Variants in DOT1L observed in about 807,000 individuals in gnomAD.
DOT1L encodes the protein histone-lysine N-methyltransferase, H3 lysine-79 specific.
DOT1L carries 33 observed loss-of-function variants against 153.3 expected under a neutral mutation model. The ratio of observed to expected loss-of-function variants is 0.22; its 90% CI spans 0.16 to 0.29. The LOEUF (loss-of-function observed/expected upper bound fraction) is 0.29, where lower values mean the gene tolerates loss of function less well. DOT1L is among the 10% of genes least tolerant of loss of function. The probability of loss-of-function intolerance (pLI) is 1.00; values close to 1 mark genes in which losing one functional copy is unlikely to be tolerated. For synonymous variants in DOT1L, 1,135 were observed against 965.1 expected, an observed-to-expected ratio of 1.18 and a Z score of -3.26; for missense variants, 1,847 against 2,119.9, an observed-to-expected ratio of 0.87 and a Z score of 2.53.
chr19:2,210,345 G>A (rs1286969765), intron 12 of DOT1L, 55 bp from the exon 13 acceptor site: 33 of 1,423,320 alleles, frequency 2.3e-5, no homozygotes, highest in Non-Finnish European at 3.0e-5. Flanking sequence ...TCTCGGTGCA[G>A]GAGGGCCGTG....
chr19:2,201,597 G>A (rs1035851785), intron 8 of DOT1L, among the ~76,000 whole-genome samples: 1 of 152,230 alleles, frequency 6.6e-6, no homozygotes, highest in African/African-American at 2.4e-5. Flanking sequence ...GCCCGCCGGC[G>A]GGTGTTCTGC....
In DOT1L at chr19:2,226,915, T is replaced by C. The variant is rs2144937622; in HGVS notation, c.4394T>C (p.Leu1465Pro). The change falls in exon 27 of 28, where the codon CTG (leucine) becomes CCG (proline). Residue 1465 changes from leucine (L) to proline (P), a missense_variant. By Grantham distance (98) the Leu-to-Pro change is moderately conservative. Coordinates refer to ENST00000398665, the MANE Select transcript of DOT1L (RefSeq NM_032482.3). ...ASSAQTHRSFLGPFPPGPQFA... is the reference protein window; with the variant it reads ...ASSAQTHRSFPGPFPPGPQFA... ...TCCGCCCAGACGCACCGGTCCTTCCTGGGCCCCTTCCCGCCGGGACCGCAG... is the reference window on the plus strand; with the variant it reads ...TCCGCCCAGACGCACCGGTCCTTCCCGGGCCCCTTCCCGCCGGGACCGCAG... The C allele has an allele frequency of 6.3e-7, 1 of 1,580,740 alleles. No individual in the cohort carries two copies. Among genetic ancestry groups the C allele is most frequent in the East Asian group, 2.3e-5 (1 of 43,144 alleles).
chr19:2,192,622 G>A (rs887865011), intron 5 of DOT1L, among the ~76,000 whole-genome samples: 12 of 148,822 alleles, frequency 8.1e-5, no homozygotes, highest in African/African-American at 2.5e-4. Flanking sequence ...GTGGTGAGAC[G>A]AGATCGCATC....
intron 1 of DOT1L, among the ~76,000 whole-genome samples, chr19:2,177,114 AGAAGACTCCCCCGT>A (rs1391963078): frequency 3.3e-5 from 5 of 152,198 alleles, no homozygotes; most frequent in Admixed American, 6.5e-5. Context: ...GTCCGCAGGA[AGAAGACTCCCCCGT>A]GAGGGGGAGC....
Position 2,221,972 on chromosome 19 carries a change from G to T in DOT1L, c.2807-4G>T. ...CCCTGAGACCCCCATGTCCTTCCCG[G>T]CAGGCTTCTCCTACGCTGGCTCGGT... On this transcript the variant is annotated splice_region_variant and splice_polypyrimidine_tract_variant and intron_variant, in intron 23 of 27. Coordinates refer to ENST00000398665, the MANE Select transcript of DOT1L (RefSeq NM_032482.3). The T allele has an allele frequency of 6.3e-7, 1 of 1,597,292 alleles. No homozygotes were observed.
chr19:2,220,383 C>G lies in DOT1L; in HGVS notation c.2806+161C>G. 1 of 759,502 alleles carries G rather than the reference C, an allele frequency of 1.3e-6. No individual in the cohort carries two copies. The highest frequency in any genetic ancestry group is 2.3e-6 in the Non-Finnish European group (1 of 439,698). The allele number at this position is 759,502 out of a possible 1,614,324, so 47.0% of individuals were successfully genotyped here. ...TCATTACTGACACCCTTTCCTGCAT[C>G]CCACGAGCTGGGATGCGGATCGGGC... On this transcript the variant is annotated intron_variant, in intron 23 of 27. Coordinates refer to ENST00000398665, the MANE Select transcript of DOT1L (RefSeq NM_032482.3). This position sits in a 1 kb window ranked among gnomAD's most constrained non-coding sequence, Gnocchi z 4.5.
Position 2,190,875 on chromosome 19 carries a change from C to T in DOT1L, c.265-137C>T, listed in dbSNP as rs962740409. 1.5e-5 allele frequency: 12 copies of T among 793,428 alleles called. No homozygotes were observed. The highest frequency in any genetic ancestry group is 5.2e-5 in the African/African-American group (3 of 57,278). 49.1% of individuals were successfully genotyped at this position (793,428 alleles called of 1,614,324 possible). On this transcript the variant is annotated intron_variant, in intron 4 of 27. Coordinates refer to ENST00000398665, the MANE Select transcript of DOT1L (RefSeq NM_032482.3). The surrounding 1 kb of genome is among the most constrained non-coding windows in gnomAD (Gnocchi z 4.8). Reference sequence around the variant, plus strand: ...TGGGTTGGAAACTGACCTGGGAGCCCGGCAGCCACCCTGCAGGGGGACGAG... The same window carrying T: ...TGGGTTGGAAACTGACCTGGGAGCCTGGCAGCCACCCTGCAGGGGGACGAG...
intron 27 of DOT1L, chr19:2,229,350 G>C (rs1599633791): frequency 1.0e-6 from 1 of 985,346 alleles, no homozygotes; most frequent in African/African-American, 1.7e-5. Context: ...CTGGGACACA[G>C]GCCTTCCTGG....
intron 7 of DOT1L, 32 bp downstream of exon 7, chr19:2,194,609 C>T (rs368346610): frequency 1.2e-5 from 19 of 1,603,196 alleles, no homozygotes; most frequent in Middle Eastern, 3.6e-4. Context: ...CGGCTCCCAT[C>T]GCCGGCCCCA....
In DOT1L at chr19:2,186,040, G is replaced by A; in HGVS notation, c.200+111G>A. ...CTTCTTAGATGGTGCAAGCTGATCT[G>A]AAATTTCCTTTTAGAGTTGGCCGTG... On this transcript the variant is annotated intron_variant, in intron 3 of 27. Transcript: ENST00000398665. The A allele has an allele frequency of 2.8e-6, 3 of 1,058,462 alleles. No homozygotes were observed. The South Asian group carries it at 4.1e-5, about 14-fold the overall frequency. 65.6% of individuals were successfully genotyped at this position (1,058,462 alleles called of 1,614,324 possible). A position where few individuals can be genotyped will look rare whatever the true frequency, so the allele number is the denominator to read the frequency against.
At chr19:2,228,435 C>T (rs1218116000) in intron 27 of DOT1L, 27 of 1,234,272 alleles carry the variant, frequency 2.2e-5, no homozygotes, top group Middle Eastern at 2.5e-4. Context: ...ACTGTCCTTC[C>T]TTTGGCAGAG....
At chr19:2,189,590 C>A in intron 3 of DOT1L, 142 bp from the exon 4 acceptor site, 1 of 850,256 alleles carries the variant, frequency 1.2e-6, no homozygotes, top group Non-Finnish European at 1.8e-6. Context: ...GAGGCTTCTG[C>A]CAGAAGGGTC....
At position 2,207,279 on chromosome 19, in the gene DOT1L, G is replaced by A. The variant is rs1024769305; in HGVS notation, c.857-295G>A. Among the ~76,000 whole-genome samples, 12 of 152,210 alleles carry A rather than the reference G, an allele frequency of 7.9e-5. No homozygotes were observed. The highest frequency in any genetic ancestry group is 2.6e-4 in the Admixed American group (4 of 15,284). The stretch of plus-strand genomic sequence containing the variant: ...GTGCCTGTGTTGCTGGATGCTGGCC[G>A]TTCTTGCAGCCGTGATCTAAGTCGC... On this transcript the variant is annotated intron_variant, in intron 10 of 27. Transcript: ENST00000398665. This position sits in a 1 kb window ranked among gnomAD's most constrained non-coding sequence, Gnocchi z 4.5.
chr19:2,193,609 C>A lies in DOT1L; in HGVS notation c.494-80C>A. ...GGTCTTCATGGCCGCATTCTTGTGG[C>A]CTCTGTCTCCGAGCCTAGCACGGCC... On this transcript the variant is annotated intron_variant, in intron 5 of 27. Coordinates refer to ENST00000398665, the MANE Select transcript of DOT1L (RefSeq NM_032482.3). This position sits in a 1 kb window ranked among gnomAD's most constrained non-coding sequence, Gnocchi z 5.9. The A allele has an allele frequency of 7.2e-7, 1 of 1,386,724 alleles. No individual in the cohort carries two copies. The highest frequency in any genetic ancestry group is 1.0e-6 in the Non-Finnish European group (1 of 987,352). The allele number at this position is 1,386,724 out of a possible 1,614,324, so 85.9% of individuals were successfully genotyped here. A position where few individuals can be genotyped will look rare whatever the true frequency, so the allele number is the denominator to read the frequency against.
chr19:2,223,284 A>C lies in DOT1L; in HGVS notation c.3394A>C (p.Ser1132Arg). The change falls in exon 25 of 28, where the codon AGT becomes CGT. Residue 1132 changes from serine (S) to arginine (R), a missense_variant. Transcript: ENST00000398665. ...CATTGTGTCTGTCTGCCCTCAGGTC[A>C]GTAACATCAACCAGCCCCTGGAGAT... is the stretch of plus-strand genomic sequence containing the variant. ...GSPLNLNSMV[S>R]NINQPLEITA... is the part of the protein sequence containing the mutation. 6.2e-7 allele frequency: 1 copy of C among 1,613,414 alleles called. No homozygotes were observed. The highest frequency in any genetic ancestry group is 8.5e-7 in the Non-Finnish European group (1 of 1,179,908).
intron 27 of DOT1L, chr19:2,227,558 G>A: frequency 1.5e-6 from 1 of 671,154 alleles, no homozygotes. Flanking sequence ...TGCGGGGCGG[G>A]GGGCCGGAGG....
chr19:2,201,220 G>A (rs545945013), intron 8 of DOT1L, among the ~76,000 whole-genome samples: 4 of 127,714 alleles, frequency 3.1e-5, no homozygotes, highest in East Asian at 4.9e-4. Flanking sequence ...CGCATTCCTC[G>A]TCCTCCCTGC....
chr19:2,189,573 G>C (rs923095008), intron 3 of DOT1L, among the ~76,000 whole-genome samples, 159 bp from the exon 4 acceptor site: 1 of 152,198 alleles, frequency 6.6e-6, no homozygotes, highest in Non-Finnish European at 1.5e-5. Flanking sequence ...GCATCAGGGC[G>C]GAAAGCGAGG....
At chr19:2,189,199 C>A (rs991800828) in intron 3 of DOT1L, among the ~76,000 whole-genome samples, 2 of 152,244 alleles carry the variant, frequency 1.3e-5, no homozygotes, top group African/African-American at 2.4e-5. Context: ...GAAGGACACG[C>A]TCACAGAGCA....
Sources: gnomAD v4.1 joint callset for allele counts (sites outside exome capture counted in the v4.1 genomes callset) on GRCh38, gnomAD v4.1.1 for gene constraint, Gnocchi (gnomAD v3.1) non-coding constraint, MANE v1.5 for transcripts, NCBI Gene and HGNC (gene_info 2026-07-23, HGNC 2026-07-21) for gene names.